IL1RAPL1: variants seen among roughly 807,000 people sequenced by gnomAD.
IL1RAPL1 encodes interleukin 1 receptor accessory protein like 1, also known as interleukin-1 receptor accessory protein-like 1.
IL1RAPL1 carries 3 observed loss-of-function variants against 48.4 expected under a neutral mutation model. That is an observed-to-expected ratio of 0.06 (90% confidence interval 0.03 to 0.16). The LOEUF (loss-of-function observed/expected upper bound fraction) is 0.16, where lower values mean the gene tolerates loss of function less well. IL1RAPL1 is among the 10% of genes least tolerant of loss of function. The pLI, the probability that IL1RAPL1 is intolerant of heterozygous loss-of-function variation, is 1.00. For synonymous variants in IL1RAPL1, 185 were observed against 187.7 expected, an observed-to-expected ratio of 0.99 and a Z score of 0.12; for missense variants, 349 against 530.6, an observed-to-expected ratio of 0.66 and a Z score of 3.36.
chrX:29,756,585 G>T (rs1454205737), intron 6 of IL1RAPL1, among the ~76,000 whole-genome samples: 3 of 109,905 alleles, frequency 2.7e-5, no homozygotes, highest in Non-Finnish European at 5.7e-5. Flanking sequence ...ACTTATTTTT[G>T]TAGTTTTAAT....
At chrX:29,491,605 A>G (rs1201218787) in intron 5 of IL1RAPL1, among the ~76,000 whole-genome samples, 1 of 112,435 alleles carries the variant, frequency 8.9e-6, no homozygotes, top group Non-Finnish European at 1.9e-5. Flanking sequence ...ATTTCTCATT[A>G]TGAGACAATT....
At position 29,643,260 on chromosome X, in the gene IL1RAPL1, T is replaced by C. The variant is rs536420431; in HGVS notation, c.704-25170T>C. ...TGTATTGGGTTTAGGTGAATTCTGG[T>C]GTCTGTGTTGTTCTTCTAATGGGGC... On this transcript the variant is annotated intron_variant, in intron 5 of 10. Transcript: ENST00000378993. Among the ~76,000 whole-genome samples, 15 of 111,567 alleles carry C rather than the reference T, an allele frequency of 1.3e-4. No homozygotes were observed. The South Asian group carries it at 5.3e-3, about 40-fold the overall frequency.
At chrX:29,217,775 TCTCACACACACACACACA>T (rs1386115489) in intron 2 of IL1RAPL1, among the ~76,000 whole-genome samples, 1 of 68,427 alleles carries the variant, frequency 1.5e-5, no homozygotes, top group South Asian at 7.2e-4. Flanking sequence ...TCTCTCTCTC[TCTCACACACACACACACA>T]CACACACACA....
At chrX:29,175,486 A>G (rs1422967216) in intron 2 of IL1RAPL1, among the ~76,000 whole-genome samples, 2 of 111,396 alleles carry the variant, frequency 1.8e-5, no homozygotes, top group African/African-American at 6.5e-5. Flanking sequence ...GGAGTTTTCC[A>G]TGCAGAAGAA....
intron 1 of IL1RAPL1, among the ~76,000 whole-genome samples, chrX:28,658,891 T>C (rs1184551417): frequency 9.0e-6 from 1 of 111,333 alleles, no homozygotes; most frequent in Non-Finnish European, 1.9e-5. Flanking sequence ...CAAATGAAAA[T>C]GGAAAAACTG....
At chrX:29,218,788 T>C (rs1930922965) in intron 2 of IL1RAPL1, among the ~76,000 whole-genome samples, 1 of 112,243 alleles carries the variant, frequency 8.9e-6, no homozygotes, top group Non-Finnish European at 1.9e-5. Context: ...TGTAGTCATG[T>C]TAATGGCATC....
chrX:29,535,817 G>C (rs1921212693), intron 5 of IL1RAPL1, among the ~76,000 whole-genome samples: 1 of 112,315 alleles, frequency 8.9e-6, no homozygotes, highest in Non-Finnish European at 1.9e-5. Context: ...CAAATGGATT[G>C]TCATGATTTG....
At chrX:28,721,228 C>T (rs1405359442) in intron 1 of IL1RAPL1, among the ~76,000 whole-genome samples, 9 of 111,457 alleles carry the variant, frequency 8.1e-5, no homozygotes, top group African/African-American at 2.9e-4. Flanking sequence ...AAAGTGTTCC[C>T]ATTTCTCCAC....
At chrX:29,949,236 A>G (rs66495425) in intron 9 of IL1RAPL1, among the ~76,000 whole-genome samples, 78 of 111,180 alleles carry the variant, frequency 7.0e-4, no homozygotes, top group African/African-American at 2.5e-3. Flanking sequence ...TTTTAAATTC[A>G]TATTTTTTAT....
At chrX:28,981,239 C>T (rs919742046) in intron 2 of IL1RAPL1, among the ~76,000 whole-genome samples, 64 of 107,992 alleles carry the variant, frequency 5.9e-4, no homozygotes, top group African/African-American at 2.0e-3. Flanking sequence ...CTTTCTCACA[C>T]ATCATGCCAT....
intron 6 of IL1RAPL1, among the ~76,000 whole-genome samples, chrX:29,861,196 C>G (rs1290492705): frequency 1.8e-5 from 2 of 111,374 alleles, no homozygotes; most frequent in Non-Finnish European, 3.8e-5. Flanking sequence ...GAGGAGAAAA[C>G]AAGGACAAGA....
chrX:29,581,382 G>T (rs1483257613), intron 5 of IL1RAPL1, among the ~76,000 whole-genome samples: 15 of 111,894 alleles, frequency 1.3e-4, no homozygotes, highest in Non-Finnish European at 2.1e-4. Flanking sequence ...AGGTTGGACT[G>T]TGAGTTAGTA....
intron 3 of IL1RAPL1, among the ~76,000 whole-genome samples, chrX:29,387,882 A>C (rs1227329666): frequency 9.1e-6 from 1 of 109,341 alleles, no homozygotes; most frequent in Non-Finnish European, 1.9e-5. Flanking sequence ...AGTCCCAGCT[A>C]CTTGGGAGGC....
At chrX:28,781,030 C>G (rs1344940138) in intron 1 of IL1RAPL1, among the ~76,000 whole-genome samples, 2 of 111,051 alleles carry the variant, frequency 1.8e-5, no homozygotes, top group Non-Finnish European at 3.8e-5. Flanking sequence ...TTACATAAAT[C>G]TGTCTGGATT....
At chrX:28,939,267 G>A (rs757834394) in intron 2 of IL1RAPL1, among the ~76,000 whole-genome samples, 7 of 110,955 alleles carry the variant, frequency 6.3e-5, no homozygotes, top group Non-Finnish European at 1.1e-4. Flanking sequence ...CAATAGCAAA[G>A]ACATAGAATA....
At chrX:29,206,971 C>G (rs1930678310) in intron 2 of IL1RAPL1, among the ~76,000 whole-genome samples, 1 of 111,554 alleles carries the variant, frequency 9.0e-6, no homozygotes, top group East Asian at 2.8e-4. Flanking sequence ...ATTTAAAACG[C>G]TTTCCCAAAT....
chrX:28,720,380 G>A (rs1182332464), intron 1 of IL1RAPL1, among the ~76,000 whole-genome samples: 1 of 111,603 alleles, frequency 9.0e-6, no homozygotes, highest in Non-Finnish European at 1.9e-5. Context: ...AGGAAACAAT[G>A]TAGCTCTGAT....
intron 2 of IL1RAPL1, among the ~76,000 whole-genome samples, chrX:29,003,075 G>T (rs1387742198): frequency 1.8e-5 from 2 of 111,093 alleles, no homozygotes; most frequent in Non-Finnish European, 3.8e-5. Flanking sequence ...ATAGGAAGGA[G>T]GGGGGACAGG....
chrX:29,007,401 A>T (rs1318024488), intron 2 of IL1RAPL1, among the ~76,000 whole-genome samples: 1 of 112,323 alleles, frequency 8.9e-6, no homozygotes, highest in South Asian at 3.6e-4. Flanking sequence ...ATATTATTAA[A>T]CAATGAGTTA....
Sources: gnomAD v4.1 joint callset for allele counts (sites outside exome capture counted in the v4.1 genomes callset) on GRCh38, gnomAD v4.1.1 for gene constraint, MANE v1.5 for transcripts, NCBI Gene and HGNC (gene_info 2026-07-23, HGNC 2026-07-21) for gene names.